The following MEI4 variants were observed in gnomAD, a reference collection of about 807,000 sequenced individuals.
MEI4 encodes the protein meiosis-specific protein MEI4.
A neutral mutation model predicts 31.4 loss-of-function variants in MEI4; 27 were observed. That is an observed-to-expected ratio of 0.86 (90% CI 0.63 to 1.19). The LOEUF is 1.19. Ranked by LOEUF, MEI4 falls within the 50% of genes most tolerant of loss-of-function variation. The pLI is 0.00. For synonymous variants in MEI4, 122 were observed against 145.4 expected (o/e 0.84, Z 1.16); for missense variants, 329 against 398.9 (o/e 0.82, Z 1.49).
At chr6:77,771,154 GACAT>G (rs1481644775) in intron 3 of MEI4, among the ~76,000 whole-genome samples, 1 of 151,972 alleles carries the variant, frequency 6.6e-6, no homozygotes, top group Admixed American at 6.6e-5. Context: ...TTCAAAAGAA[GACAT>G]ACATGTGGCT....
At chr6:77,749,016 C>T (rs1767693827) in intron 2 of MEI4, among the ~76,000 whole-genome samples, 1 of 152,082 alleles carries the variant, frequency 6.6e-6, no homozygotes, top group Non-Finnish European at 1.5e-5. Context: ...CTCCCACAGA[C>T]CTGCAGCAGA....
intron 4 of MEI4, among the ~76,000 whole-genome samples, chr6:77,883,208 T>G (rs1581949265): frequency 6.6e-6 from 1 of 152,266 alleles, no homozygotes; most frequent in Non-Finnish European, 1.5e-5. Flanking sequence ...TACATATTTA[T>G]GGAGTATGTG....
intron 3 of MEI4, among the ~76,000 whole-genome samples, chr6:77,765,076 C>CT (rs1442253362): frequency 6.6e-6 from 1 of 152,132 alleles, no homozygotes; most frequent in Non-Finnish European, 1.5e-5. Context: ...AATTCTGAAG[C>CT]TTTTACTCAA....
intron 4 of MEI4, among the ~76,000 whole-genome samples, chr6:77,867,726 C>G (rs1416461341): frequency 1.4e-5 from 2 of 146,550 alleles, no homozygotes; most frequent in Non-Finnish European, 3.1e-5. Context: ...GGTATATACC[C>G]AAAGGATTAT....
chr6:77,794,369 C>T (rs897465357), intron 3 of MEI4, among the ~76,000 whole-genome samples: 3 of 152,140 alleles, frequency 2.0e-5, no homozygotes, highest in Admixed American at 6.5e-5. Context: ...CGAGACCATC[C>T]TGGCTAACAC....
Position 77,802,013 on chromosome 6 carries a change from C to A in MEI4, c.769-26918C>A, listed in dbSNP as rs1369587623. ...GCTTGGTGAAGAGCTGAGTTCAGTT[C>A]CTGGATATCCTTGTTAACTTTCTGT... is the stretch of plus-strand genomic sequence containing the variant. On this transcript the variant is annotated intron_variant, in intron 3 of 4. Transcript: ENST00000684080. Among the ~76,000 whole-genome samples the A allele has an allele frequency of 2.0e-5, 3 of 152,038 alleles. No homozygotes were observed. In the East Asian group the frequency reaches 5.8e-4, roughly 29 times the overall value.
At chr6:77,860,409 T>A (rs868423038) in intron 4 of MEI4, among the ~76,000 whole-genome samples, 1 of 152,160 alleles carries the variant, frequency 6.6e-6, no homozygotes, top group South Asian at 2.1e-4. Flanking sequence ...CTGGTCAGTG[T>A]ACTTTAATAG....
At chr6:77,735,456 A>T (rs1290438447) in intron 2 of MEI4, among the ~76,000 whole-genome samples, 2 of 151,856 alleles carry the variant, frequency 1.3e-5, no homozygotes, top group Non-Finnish European at 2.9e-5. Flanking sequence ...TTCTTCACGT[A>T]GTTCTCGAGC....
intron 1 of MEI4, among the ~76,000 whole-genome samples, chr6:77,678,959 C>A (rs1287725857): frequency 2.0e-5 from 3 of 150,146 alleles, no homozygotes; most frequent in Admixed American, 6.6e-5. Context: ...AAAAAAAATA[C>A]AAAAGTTTAA....
intron 4 of MEI4, among the ~76,000 whole-genome samples, chr6:77,865,639 C>T (rs540819989): frequency 6.6e-6 from 1 of 152,276 alleles, no homozygotes; most frequent in East Asian, 1.9e-4. Flanking sequence ...CAGCTGAGTT[C>T]TACCAGAGGT....
At chr6:77,835,256 A>T (rs1341607567) in intron 4 of MEI4, among the ~76,000 whole-genome samples, 18 of 151,180 alleles carry the variant, frequency 1.2e-4, no homozygotes, top group African/African-American at 4.4e-4. Flanking sequence ...GCTACTTGGG[A>T]GGCTGAGGCA....
intron 3 of MEI4, among the ~76,000 whole-genome samples, chr6:77,815,977 T>C: frequency 6.6e-6 from 1 of 151,908 alleles, no homozygotes; most frequent in East Asian, 1.9e-4. Context: ...GCAGAGCCAA[T>C]TTTTTCTCAA....
upstream of MEI4, among the ~76,000 whole-genome samples, chr6:77,651,643 G>A (rs1768302725): frequency 6.6e-6 from 1 of 152,132 alleles, no homozygotes; most frequent in Admixed American, 6.5e-5. Flanking sequence ...GGATTTGTGA[G>A]TTGCTATCCA....
chr6:77,777,097 T>C (rs1768467781), intron 3 of MEI4, among the ~76,000 whole-genome samples: 1 of 152,096 alleles, frequency 6.6e-6, no homozygotes, highest in Admixed American at 6.6e-5. Context: ...AGGACACAAA[T>C]CTAAACTGGC....
At chr6:77,715,884 G>C (rs953080802) in intron 2 of MEI4, among the ~76,000 whole-genome samples, 5 of 151,524 alleles carry the variant, frequency 3.3e-5, no homozygotes, top group African/African-American at 1.2e-4. Flanking sequence ...AAATTGGCCG[G>C]TTACAATTTT....
intron 2 of MEI4, among the ~76,000 whole-genome samples, chr6:77,697,685 A>C (rs183004132): frequency 1.1e-3 from 165 of 152,278 alleles, no homozygotes; most frequent in African/African-American, 2.6e-3. Context: ...CTTTACTTCC[A>C]ACTATGTGGT....
chr6:77,849,829 G>C (rs1770573733), intron 4 of MEI4, among the ~76,000 whole-genome samples: 1 of 152,010 alleles, frequency 6.6e-6, no homozygotes, highest in Non-Finnish European at 1.5e-5. Context: ...ACTTTTTGGT[G>C]GAATTGCTAC....
chr6:77,883,436 A>G (rs756579333), intron 4 of MEI4, among the ~76,000 whole-genome samples: 2 of 151,616 alleles, frequency 1.3e-5, no homozygotes, highest in Non-Finnish European at 2.9e-5. Flanking sequence ...ACCTCTCTTC[A>G]TCTCCAACCC....
chr6:77,769,231 T>C (rs1768248380), intron 3 of MEI4, among the ~76,000 whole-genome samples: 1 of 152,150 alleles, frequency 6.6e-6, no homozygotes, highest in Admixed American at 6.5e-5. Flanking sequence ...GACTTTGCTT[T>C]GCAGCTTAGT....
Sources: gnomAD v4.1 joint callset for allele counts (sites outside exome capture counted in the v4.1 genomes callset) on GRCh38, gnomAD v4.1.1 for gene constraint, MANE v1.5 for transcripts, NCBI Gene and HGNC (gene_info 2026-07-23, HGNC 2026-07-21) for gene names.